IL16: variants seen among roughly 807,000 people sequenced by gnomAD.
IL16 encodes pro-interleukin-16.
IL16 carries 67 observed loss-of-function variants against 110.1 expected under a neutral mutation model. That is an observed-to-expected ratio of 0.61 (90% CI 0.50 to 0.75). IL16 has a LOEUF of 0.75. IL16 is among the 30% of genes least tolerant of loss of function. The pLI, the probability that IL16 is intolerant of heterozygous loss-of-function variation, is 0.00. For missense variants in IL16, 1,545 were observed against 1,655.0 expected (o/e 0.93, Z 1.15); for synonymous variants, 689 against 662.9 (o/e 1.04, Z -0.61).
chr15:81,282,700 C>T lies in IL16; in HGVS notation c.1143C>T (p.Gly381=). ...TTCCCTACTTCCAATGCATCTCTGG[C>T]ATTTTCGTCCACACGCTGTCACCAG... ...CSVPYFQCIS[G]IFVHTLSPGS... is the part of the protein sequence containing the mutation. Residue 381 remains glycine, a synonymous_variant, in exon 9 of 19, where the codon GGC becomes GGT. Coordinates refer to ENST00000683961, the MANE Select transcript of IL16 (RefSeq NM_172217.5). 6.2e-7 allele frequency: 1 copy of T among 1,614,156 alleles called. No individual in the cohort carries two copies. Among genetic ancestry groups the T allele is most frequent in the South Asian group, 1.1e-5 (1 of 91,086 alleles).
chr15:81,276,270 A>G (rs2142273490), intron 6 of IL16, among the ~76,000 whole-genome samples: 1 of 152,334 alleles, frequency 6.6e-6, no homozygotes, highest in East Asian at 1.9e-4. Flanking sequence ...TCCAATACGT[A>G]GACTTGTGAA....
In IL16 at chr15:81,300,337, G is replaced by C. The variant is rs772675248; in HGVS notation, c.3011G>C (p.Cys1004Ser). ...VSSAVMKSLL[C>S]LPSSISCAQT... ...TCGGCTGTCATGAAATCCTTGCTGT[G>C]CCTTCCATCTTCTATCTCCTGTGCC... Residue 1004 changes from cysteine (C) to serine (S), a missense_variant, in exon 14 of 19, where the codon TGC (cysteine) becomes TCC (serine). Physicochemically the swap from Cys to Ser is moderately radical, Grantham distance 112. Coordinates refer to ENST00000683961, the MANE Select transcript of IL16 (RefSeq NM_172217.5). 6.2e-7 allele frequency: 1 copy of C among 1,614,144 alleles called. No individual in the cohort carries two copies. The highest frequency in any genetic ancestry group is 1.1e-5 in the South Asian group (1 of 91,078).
upstream of IL16, among the ~76,000 whole-genome samples, chr15:81,193,568 A>G: frequency 6.6e-6 from 1 of 152,186 alleles, no homozygotes; most frequent in Non-Finnish European, 1.5e-5. Context: ...TTGAAAGAAA[A>G]AAAGGCCAGA....
rs367786067 is a variant in IL16 at position 81,241,956 on chromosome 15, CT to C, written c.312+16258del. ...TGTGAAATGTGAAACTTAAACCAAG[CT>C]TTTTTTTTTTTTCTCTCCTGTGGAT... On this transcript the variant is annotated intron_variant, in intron 2 of 18. Coordinates refer to ENST00000683961, the MANE Select transcript of IL16 (RefSeq NM_172217.5). Among the ~76,000 whole-genome samples the C allele has an allele frequency of 9.6e-3, 1,389 of 144,172 alleles. 8 individuals carry two copies. The highest frequency in any genetic ancestry group is 0.012 in the South Asian group (56 of 4,524). 94.6% of individuals were successfully genotyped at this position (144,172 alleles called of 152,430 possible).
intron 12 of IL16, among the ~76,000 whole-genome samples, chr15:81,296,194 G>T (rs1899975564): frequency 6.6e-6 from 1 of 152,170 alleles, no homozygotes; most frequent in Non-Finnish European, 1.5e-5. Flanking sequence ...GATGGAACTG[G>T]TCTCTCTGTT....
chr15:81,267,634 T>C (rs7182512), intron 4 of IL16, among the ~76,000 whole-genome samples: 73,794 of 151,948 alleles, frequency 0.49, 19,243 homozygotes, highest in African/African-American at 0.69. Flanking sequence ...TAGACCTAAT[T>C]AGAGTCTAAA....
intron 2 of IL16, among the ~76,000 whole-genome samples, chr15:81,257,230 T>C (rs1316077449): frequency 6.6e-6 from 1 of 152,176 alleles, no homozygotes; most frequent in Non-Finnish European, 1.5e-5. Context: ...ATTGACTTGT[T>C]TAAGAAATAA....
chr15:81,285,764 C>T lies in IL16; in HGVS notation c.1266C>T (p.Tyr422=), dbSNP rs372538566. 1.7e-5 allele frequency: 27 copies of T among 1,614,038 alleles called. No homozygotes were observed. The Admixed American group carries it at 4.3e-4, about 26-fold the overall frequency. ...PVHCLTLNEV[Y]TILSHCDPGP... is the part of the protein sequence containing the mutation. ...ACTGCCTGACGCTCAATGAAGTCTA[C>T]ACGATCCTGAGTCACTGTGATCCCG... is the stretch of plus-strand genomic sequence containing the variant. The change falls in exon 10 of 19, where the codon TAC becomes TAT. Residue 422 remains tyrosine (Y), a synonymous_variant. Coordinates refer to ENST00000683961, the MANE Select transcript of IL16 (RefSeq NM_172217.5).
intron 15 of IL16, chr15:81,302,263 C>T (rs1900325383): frequency 6.6e-6 from 1 of 152,240 alleles, no homozygotes; most frequent in South Asian, 2.1e-4. Flanking sequence ...GTCTGATGAG[C>T]CCAAGGTGCT....
chr15:81,262,969 T>G lies in IL16; in HGVS notation c.422-2690T>G, dbSNP rs143770865. Among the ~76,000 whole-genome samples the G allele has an allele frequency of 6.9e-3, 1,044 of 152,310 alleles. 8 individuals are homozygous for G. Among genetic ancestry groups the G allele is most frequent in the Admixed American group, 0.011 (174 of 15,300 alleles). On this transcript the variant is annotated intron_variant, in intron 3 of 18. Coordinates refer to ENST00000683961, the MANE Select transcript of IL16 (RefSeq NM_172217.5). ...GAAGCTCAGATAGTTGAAATCAGTG[T>G]TATAGATCATATTTATTTTTACTTA...
In IL16 at chr15:81,278,805, C is replaced by T. The variant is rs184780414; in HGVS notation, c.791-12C>T. On this transcript the variant is annotated splice_polypyrimidine_tract_variant and intron_variant, in intron 6 of 18. Coordinates refer to ENST00000683961, the MANE Select transcript of IL16 (RefSeq NM_172217.5). ...AACACTCTTCTTAGCTACACTTTCT[C>T]TCTCTAAACAGGTGATGAAATTCTG... The T allele has an allele frequency of 6.3e-6, 10 of 1,582,034 alleles. No homozygotes were observed. In the African/African-American group the frequency reaches 8.1e-5, roughly 13 times the overall value.
At chr15:81,204,749 T>TTA (rs1555412265) in intron 1 of IL16, among the ~76,000 whole-genome samples, 9 of 118,196 alleles carry the variant, frequency 7.6e-5, no homozygotes, top group Non-Finnish European at 9.7e-5. Flanking sequence ...ATAACAAAAT[T>TTA]AAAAAAAAAA....
Position 81,269,582 on chromosome 15 carries a change from G to A in IL16, c.609G>A (p.Val203=). 1 of 1,614,172 alleles carries A rather than the reference G, an allele frequency of 6.2e-7. No individual in the cohort carries two copies. Among genetic ancestry groups the A allele is most frequent in the Non-Finnish European group, 8.5e-7 (1 of 1,180,008 alleles). ...PTRSLSTAQL[V]QPSGGLQASV... ...GGTCCCTGAGCACAGCTCAGCTCGT[G>A]CAGCCATCTGGGGGCCTCCAGGCTT... is the stretch of plus-strand genomic sequence containing the variant. The change falls in exon 5 of 19, where the codon GTG becomes GTA. Residue 203 remains valine, a synonymous_variant. Transcript: ENST00000683961.
At chr15:81,207,050 G>A (rs1025704610) in intron 1 of IL16, among the ~76,000 whole-genome samples, 2 of 149,958 alleles carry the variant, frequency 1.3e-5, no homozygotes, top group East Asian at 3.9e-4. Context: ...TGGCTAACAC[G>A]GTGAAACCCC....
intron 2 of IL16, among the ~76,000 whole-genome samples, chr15:81,228,994 A>G (rs1896883199): frequency 1.3e-5 from 2 of 152,228 alleles, no homozygotes; most frequent in Admixed American, 6.5e-5. Context: ...AAATTCACCT[A>G]AAACAGAACA....
chr15:81,249,883 A>G (rs1897705769), intron 2 of IL16, among the ~76,000 whole-genome samples: 1 of 151,992 alleles, frequency 6.6e-6, no homozygotes, highest in African/African-American at 2.4e-5. Flanking sequence ...CCATCTGAGT[A>G]TTTTGTTAGA....
chr15:81,237,004 T>C (rs1482701900), intron 2 of IL16, among the ~76,000 whole-genome samples: 1 of 152,088 alleles, frequency 6.6e-6, no homozygotes, highest in African/African-American at 2.4e-5. Flanking sequence ...CATCTACCTT[T>C]CCAACTCTAT....
chr15:81,201,763 G>T (rs1462906080), intron 1 of IL16, among the ~76,000 whole-genome samples: 5 of 152,082 alleles, frequency 3.3e-5, no homozygotes, highest in Non-Finnish European at 7.3e-5. Flanking sequence ...CCCATTCTCT[G>T]CTCTTCAATA....
chr15:81,247,556 A>G (rs975037493), intron 2 of IL16, among the ~76,000 whole-genome samples: 2 of 152,194 alleles, frequency 1.3e-5, no homozygotes, highest in Non-Finnish European at 2.9e-5. Flanking sequence ...GTACAGAGAA[A>G]TCTCATGTAC....
Sources: gnomAD v4.1 joint callset for allele counts (sites outside exome capture counted in the v4.1 genomes callset) on GRCh38, gnomAD v4.1.1 for gene constraint, MANE v1.5 for transcripts, NCBI Gene and HGNC (gene_info 2026-07-23, HGNC 2026-07-21) for gene names.